GABRB2: variants seen among roughly 807,000 people sequenced by gnomAD.
GABRB2 encodes gamma-aminobutyric acid receptor subunit beta-2.
In GABRB2, 16 loss-of-function variants were observed where a neutral mutation model predicts 54.7. The ratio of observed to expected loss-of-function variants is 0.29; its 90% confidence interval spans 0.20 to 0.44. The LOEUF (loss-of-function observed/expected upper bound fraction) is 0.44. GABRB2 is among the 20% of genes least tolerant of loss of function. The pLI is 1.00. For missense variants in GABRB2, 355 were observed against 644.0 expected, an observed-to-expected ratio of 0.55 and a Z score of 4.86; for synonymous variants, 244 against 233.8, an observed-to-expected ratio of 1.04 and a Z score of -0.40.
intron 3 of GABRB2, among the ~76,000 whole-genome samples, chr5:161,518,411 T>C (rs1760015731): frequency 6.6e-6 from 1 of 152,170 alleles, no homozygotes; most frequent in East Asian, 1.9e-4. Context: ...ATAACTTAAC[T>C]GAGAAACAGG....
chr5:161,297,029 G>T (rs1757399426), intron 9 of GABRB2, among the ~76,000 whole-genome samples: 1 of 152,068 alleles, frequency 6.6e-6, no homozygotes, highest in Non-Finnish European at 1.5e-5. Context: ...CACTGACATG[G>T]CAAAAAACAA....
intron 4 of GABRB2, among the ~76,000 whole-genome samples, chr5:161,411,670 T>C (rs1756520266): frequency 6.6e-6 from 1 of 152,152 alleles, no homozygotes; most frequent in Non-Finnish European, 1.5e-5. Flanking sequence ...ATGGCATAGT[T>C]ATATATTTAG....
chr5:161,499,485 G>A (rs907654407), intron 3 of GABRB2, among the ~76,000 whole-genome samples: 14 of 152,158 alleles, frequency 9.2e-5, no homozygotes, highest in Admixed American at 8.5e-4. Context: ...AACGGTTTAA[G>A]ATTTCAATAG....
intron 4 of GABRB2, among the ~76,000 whole-genome samples, chr5:161,417,947 A>C (rs966995502): frequency 3.9e-5 from 6 of 152,214 alleles, no homozygotes; most frequent in African/African-American, 1.2e-4. Context: ...ATCACCAAAA[A>C]AAGTAAGATT....
chr5:161,446,363 T>G (rs1757614657), intron 4 of GABRB2, among the ~76,000 whole-genome samples: 1 of 152,114 alleles, frequency 6.6e-6, no homozygotes, highest in African/African-American at 2.4e-5. Flanking sequence ...TTATTATTAT[T>G]TTTTCTGGCT....
chr5:161,343,462 G>A (rs1315575443), intron 5 of GABRB2, among the ~76,000 whole-genome samples: 2 of 151,946 alleles, frequency 1.3e-5, no homozygotes, highest in African/African-American at 4.8e-5. Flanking sequence ...GTCAGATTGT[G>A]GGTTTTAAAG....
At chr5:161,331,846 G>T (rs1385187570) in intron 7 of GABRB2, among the ~76,000 whole-genome samples, 1 of 152,034 alleles carries the variant, frequency 6.6e-6, no homozygotes, top group Non-Finnish European at 1.5e-5. Context: ...GTGGATGATG[G>T]GGAGAAGCAG....
At chr5:161,394,529 A>G (rs1405985401) in intron 5 of GABRB2, among the ~76,000 whole-genome samples, 1 of 152,018 alleles carries the variant, frequency 6.6e-6, no homozygotes, top group Non-Finnish European at 1.5e-5. Flanking sequence ...CACAGACACT[A>G]TAGACATTAA....
intron 4 of GABRB2, among the ~76,000 whole-genome samples, chr5:161,424,316 A>T (rs1398424679): frequency 6.6e-6 from 1 of 152,160 alleles, no homozygotes; most frequent in African/African-American, 2.4e-5. Context: ...AGAGAGGAGA[A>T]GTCAATTCCT....
intron 4 of GABRB2, among the ~76,000 whole-genome samples, chr5:161,435,189 AT>A (rs141617864): frequency 0.046 from 6,951 of 152,272 alleles, 200 homozygotes; most frequent in Non-Finnish European, 0.067. Context: ...TAATCAAAAA[AT>A]GGAAAATCAA....
intron 3 of GABRB2, among the ~76,000 whole-genome samples, chr5:161,503,268 C>A (rs974730026): frequency 5.3e-5 from 8 of 151,242 alleles, no homozygotes; most frequent in African/African-American, 1.5e-4. Context: ...GATATAGAAA[C>A]TATTTTTAAA....
At chr5:161,381,675 G>A (rs2113484172) in intron 5 of GABRB2, among the ~76,000 whole-genome samples, 2 of 152,210 alleles carry the variant, frequency 1.3e-5, no homozygotes, top group Middle Eastern at 6.8e-3. Flanking sequence ...GCTAAGTAGG[G>A]TGACACTGTC....
intron 7 of GABRB2, among the ~76,000 whole-genome samples, chr5:161,332,092 G>A (rs1339684824): frequency 1.3e-5 from 2 of 150,522 alleles, no homozygotes; most frequent in Non-Finnish European, 3.0e-5. Context: ...CGTGAACCCG[G>A]GAGGCGGAGC....
chr5:161,381,745 G>T (rs1462882317), intron 5 of GABRB2, among the ~76,000 whole-genome samples: 1 of 152,132 alleles, frequency 6.6e-6, no homozygotes, highest in African/African-American at 2.4e-5. Flanking sequence ...ACGAGCATGA[G>T]CTTTGGAGTG....
At position 161,334,901 on chromosome 5, in the gene GABRB2, G is replaced by A. The variant is rs1286245289; in HGVS notation, c.683C>T (p.Ser228Phe). Residue 228 changes from serine to phenylalanine, a missense_variant, in exon 7 of 10, where the codon TCC becomes TTC. By Grantham distance (155) the Ser-to-Phe change is radical (BLOSUM62 -2). Coordinates refer to ENST00000393959, the MANE Select transcript of GABRB2 (RefSeq NM_001371727.1). ...AAAGCTGAGGGATAACCTGGGATAG[G>A]AACCTAGAAAGGCAATTTTAGAACA... ...ITKKVVFSTG[S>F]YPRLSLSFKL... 6.2e-7 allele frequency: 1 copy of A among 1,613,386 alleles called. No homozygotes were observed. Among genetic ancestry groups the A allele is most frequent in the Non-Finnish European group, 8.5e-7 (1 of 1,179,676 alleles).
intron 3 of GABRB2, among the ~76,000 whole-genome samples, chr5:161,532,669 G>A (rs1010829110): frequency 6.6e-6 from 1 of 151,968 alleles, no homozygotes; most frequent in East Asian, 1.9e-4. Flanking sequence ...TCCCCCATAG[G>A]GCAATTAAGA....
At chr5:161,443,521 G>A (rs1757524905) in intron 4 of GABRB2, among the ~76,000 whole-genome samples, 1 of 152,168 alleles carries the variant, frequency 6.6e-6, no homozygotes, top group African/African-American at 2.4e-5. Flanking sequence ...TAGTGACACA[G>A]ATTTTATTCA....
intron 5 of GABRB2, among the ~76,000 whole-genome samples, chr5:161,369,106 G>A (rs534294862): frequency 6.6e-6 from 1 of 152,264 alleles, no homozygotes; most frequent in Non-Finnish European, 1.5e-5. Context: ...TAACCCTGGA[G>A]CTTCTTATCT....
At chr5:161,452,979 G>A (rs1411787045) in intron 4 of GABRB2, among the ~76,000 whole-genome samples, 1 of 152,188 alleles carries the variant, frequency 6.6e-6, no homozygotes, top group East Asian at 1.9e-4. Flanking sequence ...CTGGGTGACA[G>A]AGTGAGACAC....
Sources: allele counts gnomAD v4.1 joint callset (sites outside exome capture counted in the v4.1 genomes callset), GRCh38; gene constraint gnomAD v4.1.1; transcripts MANE v1.5; gene names NCBI Gene and HGNC (gene_info 2026-07-23, HGNC 2026-07-21).